Variants in ADAMTSL3 observed in about 807,000 individuals in gnomAD.
ADAMTSL3 encodes ADAMTS like 3.
Under a neutral mutation model 201.7 loss-of-function variants are expected in ADAMTSL3, and 128 were observed. The ratio of observed to expected loss-of-function variants is 0.63; its 90% CI spans 0.55 to 0.73. The LOEUF is 0.73. Among genes scored for constraint, ADAMTSL3 ranks in the 30% least tolerant of loss-of-function variants. ADAMTSL3 has a pLI of 0.00. For synonymous variants in ADAMTSL3, 738 were observed against 748.4 expected, an observed-to-expected ratio of 0.99 and a Z score of 0.23; for missense variants, 1,990 against 2,119.6, an observed-to-expected ratio of 0.94 and a Z score of 1.20.
At chr15:83,714,759 T>TTCTC (rs766207538) in intron 3 of ADAMTSL3, among the ~76,000 whole-genome samples, 1 of 41,468 alleles carries the variant, frequency 2.4e-5, no homozygotes, top group African/African-American at 7.3e-5. Flanking sequence ...TCCTTCCCTT[T>TTCTC]TCTCTTTCTT....
chr15:83,870,929 A>G lies in ADAMTSL3; in HGVS notation c.930A>G (p.Pro310=). 3.1e-6 allele frequency: 5 copies of G among 1,613,672 alleles called. No homozygotes were observed. The highest frequency in any genetic ancestry group is 2.2e-5 in the South Asian group (2 of 90,952). The change falls in exon 9 of 30, where the codon CCA becomes CCG. Residue 310 remains proline (P), a synonymous_variant. Coordinates refer to ENST00000286744, the MANE Select transcript of ADAMTSL3 (RefSeq NM_207517.3). ...RGSERQTFKI[P]GPLMADFIFK... ...CCGAGAGGCAAACTTTTAAGATTCCAGGACCTCTGATGGCTGATTTCATCT... is the reference window on the plus strand; with the variant it reads ...CCGAGAGGCAAACTTTTAAGATTCCGGGACCTCTGATGGCTGATTTCATCT...
chr15:83,782,193 G>A (rs2063181287), intron 4 of ADAMTSL3, among the ~76,000 whole-genome samples: 1 of 152,134 alleles, frequency 6.6e-6, no homozygotes, highest in African/African-American at 2.4e-5. Context: ...CTTAAAGACT[G>A]GGGTCAGGTG....
intron 19 of ADAMTSL3, among the ~76,000 whole-genome samples, chr15:83,964,944 A>G (rs1282027928): frequency 6.6e-6 from 1 of 152,222 alleles, no homozygotes; most frequent in Non-Finnish European, 1.5e-5. Context: ...CGAAGGAGAA[A>G]TAAAATCCTT....
At chr15:83,892,653 AATAAT>A in intron 12 of ADAMTSL3, 26 bp from the exon 13 acceptor site, 1 of 1,565,772 alleles carries the variant, frequency 6.4e-7, no homozygotes, top group Non-Finnish European at 8.7e-7. Flanking sequence ...ACAACAAATA[AATAAT>A]ATAATTTTAT....
At chr15:83,756,039 G>A (rs2062714507) in intron 3 of ADAMTSL3, among the ~76,000 whole-genome samples, 1 of 152,260 alleles carries the variant, frequency 6.6e-6, no homozygotes, top group Admixed American at 6.5e-5. Flanking sequence ...GGGATTACAG[G>A]CATGAGCCAC....
At chr15:83,661,391 A>C (rs1238857445) in intron 2 of ADAMTSL3, among the ~76,000 whole-genome samples, 3 of 151,576 alleles carry the variant, frequency 2.0e-5, no homozygotes, top group Non-Finnish European at 2.9e-5. Flanking sequence ...CATTTTCACA[A>C]TATTGATTCT....
chr15:83,773,174 G>A (rs980939751), intron 3 of ADAMTSL3, among the ~76,000 whole-genome samples: 2 of 152,050 alleles, frequency 1.3e-5, no homozygotes, highest in Admixed American at 6.6e-5. Flanking sequence ...GGATTTGGGA[G>A]GCTGAGGCGG....
Position 84,014,662 on chromosome 15 carries a change from A to T in ADAMTSL3, c.4094A>T (p.Tyr1365Phe), listed in dbSNP as rs758864772. 1.7e-5 allele frequency: 28 copies of T among 1,611,412 alleles called. No homozygotes were observed. The highest frequency in any genetic ancestry group is 2.1e-5 in the Non-Finnish European group (25 of 1,179,392). Residue 1365 changes from tyrosine (Y) to phenylalanine (F), a missense_variant, in exon 24 of 30, where the codon TAC (tyrosine) becomes TTC (phenylalanine). Transcript: ENST00000286744. ...QNVSLENEGT[Y>F]VCIATNALGK... is the part of the protein sequence containing the mutation. ...GTTTCCCTTGAAAATGAAGGAACCT[A>T]CGTCTGCATAGCCACCAATGCTCTT...
In ADAMTSL3 at chr15:83,660,732, G is replaced by A. The variant is rs536639261; in HGVS notation, c.69+4902G>A. ...AAAATTTTCTCCCATTTTGTAGGTTGCCTGTTCCCTCTGATGGTAGTTTCT... is the reference window on the plus strand; with the variant it reads ...AAAATTTTCTCCCATTTTGTAGGTTACCTGTTCCCTCTGATGGTAGTTTCT... On this transcript the variant is annotated intron_variant, in intron 2 of 29. Coordinates refer to ENST00000286744, the MANE Select transcript of ADAMTSL3 (RefSeq NM_207517.3). Among the ~76,000 whole-genome samples, 4 of 152,284 alleles carry A rather than the reference G, an allele frequency of 2.6e-5. No individual in the cohort carries two copies. The East Asian group carries it at 7.7e-4, about 29-fold the overall frequency.
At position 83,868,012 on chromosome 15, in the gene ADAMTSL3, A is replaced by G. The variant is rs113851401; in HGVS notation, c.803-2790A>G. Among the ~76,000 whole-genome samples, 1,163 of 152,270 alleles carry G rather than the reference A, an allele frequency of 7.6e-3. 11 individuals carry two copies. The highest frequency in any genetic ancestry group is 0.026 in the African/African-American group (1,077 of 41,546). On this transcript the variant is annotated intron_variant, in intron 8 of 29. Coordinates refer to ENST00000286744, the MANE Select transcript of ADAMTSL3 (RefSeq NM_207517.3). ...ATTTTTACTCTTTTTGAGACTACCTATCATATCTTCCTCAACACTTCCCTC... is the reference window on the plus strand; with the variant it reads ...ATTTTTACTCTTTTTGAGACTACCTGTCATATCTTCCTCAACACTTCCCTC...
At chr15:84,000,071 AG>A (rs1367483027) in intron 23 of ADAMTSL3, among the ~76,000 whole-genome samples, 1 of 151,892 alleles carries the variant, frequency 6.6e-6, no homozygotes, top group Non-Finnish European at 1.5e-5. Context: ...AAAAAAAAAA[AG>A]AACTATCTCT....
intron 5 of ADAMTSL3, among the ~76,000 whole-genome samples, chr15:83,816,216 G>C (rs1043704433): frequency 2.0e-5 from 3 of 152,306 alleles, no homozygotes; most frequent in African/African-American, 7.2e-5. Context: ...GCTTCAACAT[G>C]AATCTTATAA....
chr15:84,008,560 C>CT (rs545970624), intron 23 of ADAMTSL3, among the ~76,000 whole-genome samples: 1 of 152,318 alleles, frequency 6.6e-6, no homozygotes, highest in South Asian at 2.1e-4. Flanking sequence ...TCCCTGATCT[C>CT]TAAGTTGAAC....
intron 2 of ADAMTSL3, among the ~76,000 whole-genome samples, chr15:83,658,279 T>C (rs772208012): frequency 2.6e-5 from 4 of 152,200 alleles, no homozygotes; most frequent in Non-Finnish European, 5.9e-5. Flanking sequence ...CAGCTAATTT[T>C]TGTATTATCG....
intron 23 of ADAMTSL3, among the ~76,000 whole-genome samples, chr15:84,004,314 G>A (rs939369883): frequency 2.0e-5 from 3 of 152,156 alleles, no homozygotes; most frequent in Non-Finnish European, 4.4e-5. Flanking sequence ...TATGTCCTGA[G>A]AACCAAGGAT....
intron 9 of ADAMTSL3, among the ~76,000 whole-genome samples, chr15:83,880,773 G>A (rs1007703006): frequency 6.6e-6 from 1 of 152,228 alleles, no homozygotes; most frequent in African/African-American, 2.4e-5. Flanking sequence ...ATAAGGTGTT[G>A]CTAGGCCCCT....
intron 3 of ADAMTSL3, among the ~76,000 whole-genome samples, chr15:83,756,583 A>G (rs1368276483): frequency 2.0e-5 from 3 of 147,000 alleles, no homozygotes; most frequent in Admixed American, 6.9e-5. Flanking sequence ...CAGCCAAACC[A>G]TATCATTTCA....
intron 6 of ADAMTSL3, among the ~76,000 whole-genome samples, chr15:83,822,010 C>T (rs71408818): frequency 0.12 from 15,741 of 132,422 alleles, 2,100 homozygotes; most frequent in Middle Eastern, 0.27. Flanking sequence ...TGACCTCCCC[C>T]ACCTCCCTCC....
At chr15:83,959,215 C>T (rs1225028114) in intron 19 of ADAMTSL3, among the ~76,000 whole-genome samples, 2 of 152,110 alleles carry the variant, frequency 1.3e-5, no homozygotes, top group Admixed American at 6.5e-5. Context: ...CACTTGAGGC[C>T]AGGAGTTCAA....
Sources: allele counts gnomAD v4.1 joint callset (sites outside exome capture counted in the v4.1 genomes callset), GRCh38; gene constraint gnomAD v4.1.1; transcripts MANE v1.5; gene names NCBI Gene and HGNC (gene_info 2026-07-23, HGNC 2026-07-21).